Variants in KDM6A observed in about 807,000 individuals in gnomAD.
The protein encoded by KDM6A is lysine-specific demethylase 6A.
KDM6A carries 11 observed loss-of-function variants against 117.6 expected under a neutral mutation model. The ratio of observed to expected loss-of-function variants is 0.09; its 90% CI spans 0.06 to 0.15. The LOEUF (loss-of-function observed/expected upper bound fraction) is 0.15. KDM6A is among the 10% of genes least tolerant of loss of function. KDM6A has a pLI of 1.00. For synonymous variants in KDM6A, 384 were observed against 396.1 expected, an observed-to-expected ratio of 0.97 and a Z score of 0.36; for missense variants, 799 against 1,077.3, an observed-to-expected ratio of 0.74 and a Z score of 3.62.
chrX:44,908,017 G>A (rs761736990), intron 2 of KDM6A, among the ~76,000 whole-genome samples: 1 of 110,332 alleles, frequency 9.1e-6, no homozygotes, highest in South Asian at 3.9e-4. Context: ...TATTGGGGTA[G>A]GGGAAAAAGT....
At chrX:45,078,325 A>G in intron 19 of KDM6A, 75 bp from the exon 20 acceptor site, 1 of 960,569 alleles carries the variant, frequency 1.0e-6, no homozygotes, top group Non-Finnish European at 1.5e-6. Context: ...AAAATAATGA[A>G]TATTAATTTG....
At chrX:44,907,164 C>CT (rs2034730063) in intron 2 of KDM6A, among the ~76,000 whole-genome samples, 1 of 112,087 alleles carries the variant, frequency 8.9e-6, no homozygotes, top group South Asian at 3.6e-4. Flanking sequence ...TTTCCGTGTA[C>CT]TTTTTTTGAG....
intron 2 of KDM6A, among the ~76,000 whole-genome samples, chrX:44,925,851 C>T (rs1269520236): frequency 8.9e-6 from 1 of 111,790 alleles, no homozygotes; most frequent in Non-Finnish European, 1.9e-5. Context: ...TTACAACAAA[C>T]AGGGTTTCAT....
rs375096245 is a variant in KDM6A at position 45,110,134 on chromosome X, A to G, written c.4217A>G (p.Tyr1406Cys). Residue 1406 changes from tyrosine to cysteine, a missense_variant, in exon 29 of 30, where the codon TAC (tyrosine) becomes TGC (cysteine). Physicochemically the swap from Tyr to Cys is radical, Grantham distance 194. Around this residue, in one of 8 missense-constraint regions of KDM6A, gnomAD observed 291 missense variants for 437.9 expected, o/e 0.66. Transcript: ENST00000611820. The part of the protein sequence containing the change: ...VTNESNSRKT[Y>C]IVHCQDCARK... ...AATGAGAGTAATTCACGAAAGACCTACATAGTACATTGCCAAGATTGTGCA... is the reference window on the plus strand; with the variant it reads ...AATGAGAGTAATTCACGAAAGACCTGCATAGTACATTGCCAAGATTGTGCA... 4.1e-6 allele frequency: 5 copies of G among 1,208,275 alleles called. No individual in the cohort carries two copies. Among genetic ancestry groups the G allele is most frequent in the South Asian group, 1.8e-5 (1 of 56,804 alleles).
rs769466820 is a variant in KDM6A at position 45,079,371 on chromosome X, A to C, written c.3300+20A>C. 1.4e-4 allele frequency: 148 copies of C among 1,093,888 alleles called. No individual in the cohort carries two copies. Among genetic ancestry groups the C allele is most frequent in the Non-Finnish European group, 1.8e-4 (142 of 791,216 alleles). 90.1% of individuals were successfully genotyped at this position (1,093,888 alleles called of 1,213,427 possible). ...TTGAGAGTAAGTATTTGTATCCTAA[A>C]GATTATTTTAGGATTTTAAAGATGA... On this transcript the variant is annotated intron_variant, in intron 21 of 29. Transcript: ENST00000611820.
intron 2 of KDM6A, among the ~76,000 whole-genome samples, chrX:44,889,107 C>T (rs2033133678): frequency 8.9e-6 from 1 of 111,812 alleles, no homozygotes; most frequent in South Asian, 3.7e-4. Context: ...CCTCTGCCTC[C>T]CGGATTCAAG....
chrX:45,075,079 A>G (rs1422352141), intron 18 of KDM6A, among the ~76,000 whole-genome samples: 1 of 111,826 alleles, frequency 8.9e-6, no homozygotes. Context: ...CATTTACTCT[A>G]CAGTAGTATA....
chrX:45,072,859 AT>A (rs1180328197), intron 18 of KDM6A, among the ~76,000 whole-genome samples: 1 of 104,291 alleles, frequency 9.6e-6, no homozygotes, highest in Non-Finnish European at 1.9e-5. Context: ...ATTTAAAAAA[AT>A]ATAATAATAT....
At chrX:45,014,818 A>G (rs913211563) in intron 5 of KDM6A, among the ~76,000 whole-genome samples, 14 of 112,129 alleles carry the variant, frequency 1.2e-4, no homozygotes, top group African/African-American at 4.2e-4. Context: ...CTTATTAACT[A>G]TCTCTGTCCT....
chrX:44,901,777 A>G (rs979704811), intron 2 of KDM6A, among the ~76,000 whole-genome samples: 1 of 112,304 alleles, frequency 8.9e-6, no homozygotes, highest in Admixed American at 9.4e-5. Context: ...TGTATATTCA[A>G]AGTTCATTTT....
chrX:45,004,963 G>A (rs1054533650), intron 4 of KDM6A, among the ~76,000 whole-genome samples: 1 of 110,704 alleles, frequency 9.0e-6, no homozygotes, highest in Non-Finnish European at 1.9e-5. Flanking sequence ...ATCTAGTAGT[G>A]GTTTAAGCTC....
At chrX:44,911,539 C>T (rs745787257) in intron 2 of KDM6A, among the ~76,000 whole-genome samples, 1 of 109,395 alleles carries the variant, frequency 9.1e-6, no homozygotes, top group South Asian at 4.0e-4. Flanking sequence ...CCTGACTTCC[C>T]AGACTGGGCA....
chrX:44,928,818 GAAAAGA>G (rs1251991511), intron 2 of KDM6A, among the ~76,000 whole-genome samples: 2 of 111,559 alleles, frequency 1.8e-5, no homozygotes, highest in Non-Finnish European at 3.8e-5. Context: ...GAATAAAAGA[GAAAAGA>G]AAAAGGAAGA....
chrX:44,961,617 A>C (rs1034905431), intron 3 of KDM6A, among the ~76,000 whole-genome samples: 1 of 112,149 alleles, frequency 8.9e-6, no homozygotes, highest in African/African-American at 3.2e-5. Context: ...TGCCTTGTGA[A>C]AATCCTTGCT....
chrX:45,101,766 T>G (rs2046346172), intron 27 of KDM6A, among the ~76,000 whole-genome samples: 1 of 112,162 alleles, frequency 8.9e-6, no homozygotes, highest in Non-Finnish European at 1.9e-5. Flanking sequence ...TTTTTCAAAT[T>G]AAATAACTTT....
chrX:44,987,638 A>T (rs1003923320), intron 4 of KDM6A, among the ~76,000 whole-genome samples: 1 of 111,334 alleles, frequency 9.0e-6, no homozygotes, highest in Non-Finnish European at 1.9e-5. Flanking sequence ...GCTTGTCTGT[A>T]AAGTATTTTA....
intron 2 of KDM6A, among the ~76,000 whole-genome samples, chrX:44,918,686 T>G (rs2035711818): frequency 9.0e-6 from 1 of 111,527 alleles, no homozygotes; most frequent in Non-Finnish European, 1.9e-5. Context: ...AACAATACAG[T>G]TTTTGTGTGG....
chrX:45,065,517 T>G (rs1270886866), intron 17 of KDM6A, among the ~76,000 whole-genome samples: 1 of 111,738 alleles, frequency 8.9e-6, no homozygotes, highest in African/African-American at 3.3e-5. Flanking sequence ...GGTATGACCA[T>G]TTTAGAGATT....
At chrX:45,068,916 G>A (rs1383253086) in intron 17 of KDM6A, among the ~76,000 whole-genome samples, 1 of 106,271 alleles carries the variant, frequency 9.4e-6, no homozygotes, top group African/African-American at 3.5e-5. Context: ...GCCTGGTCTC[G>A]AACTCCTGGC....
Sources: gnomAD v4.1 joint callset for allele counts (sites outside exome capture counted in the v4.1 genomes callset) on GRCh38, gnomAD v4.1.1 for gene constraint, gnomAD v4.1.1 regional missense constraint, MANE v1.5 for transcripts, NCBI Gene and HGNC (gene_info 2026-07-23, HGNC 2026-07-21) for gene names.